The following CENPU variants were observed in gnomAD, a reference collection of about 807,000 sequenced individuals.
The protein encoded by CENPU is KSHV latent nuclear antigen interacting protein 1.
A neutral mutation model predicts 56.7 loss-of-function variants in CENPU; 46 were observed. The observed-to-expected ratio is 0.81, with a 90% CI of 0.64 to 1.04. The LOEUF is 1.04. Among genes scored for constraint, CENPU ranks in the 50% least tolerant of loss-of-function variants. The probability of loss-of-function intolerance (pLI) is 0.00; values close to 1 mark genes in which losing one functional copy is unlikely to be tolerated. For synonymous variants in CENPU, 166 were observed against 163.0 expected, an observed-to-expected ratio of 1.02 and a Z score of -0.14; for missense variants, 510 against 490.1, an observed-to-expected ratio of 1.04 and a Z score of -0.38.
rs766681394 is a variant in CENPU, at chr4:184,712,997, C to T, written c.635G>A (p.Gly212Glu). ...CTTCCTTTTGTCATGAGATATCTTC[C>T]CTTTTTTCTGAGTTTTCTACAAAAA... The part of the protein sequence containing the change: ...IESQSKTQKK[G>E]KISHDKRKKS... Residue 212 changes from glycine (G) to glutamate (E), a missense_variant, in exon 7 of 13, where the codon GGG becomes GAG. By Grantham distance (98) the Gly-to-Glu change is moderately conservative. Coordinates refer to ENST00000281453, the MANE Select transcript of CENPU (RefSeq NM_024629.4). The T allele has an allele frequency of 8.8e-6, 14 of 1,584,810 alleles. No individual in the cohort carries two copies. In the Admixed American group the frequency reaches 1.2e-4, roughly 14 times the overall value.
At chr4:184,712,630 T>TA (rs1760962503) in intron 7 of CENPU, among the ~76,000 whole-genome samples, 1 of 152,228 alleles carries the variant, frequency 6.6e-6, no homozygotes, top group Non-Finnish European at 1.5e-5. Flanking sequence ...TAAAATGCCT[T>TA]AAAAACTGGA....
At chr4:184,717,063 G>T in intron 5 of CENPU, 73 bp downstream of exon 5, 1 of 958,024 alleles carries the variant, frequency 1.0e-6, no homozygotes, top group Non-Finnish European at 1.6e-6. Flanking sequence ...ATATTTTACA[G>T]AACATTTTCT....
At chr4:184,730,658 C>T (rs180888439) in intron 2 of CENPU, among the ~76,000 whole-genome samples, 6 of 151,942 alleles carry the variant, frequency 3.9e-5, no homozygotes, top group African/African-American at 1.2e-4. Context: ...AAAAAGCTTA[C>T]AGCACTGTAC....
Position 184,725,014 on chromosome 4 carries a change from G to A in CENPU, c.263C>T (p.Ser88Phe), listed in dbSNP as rs561625231. 63 of 1,613,178 alleles carry A rather than the reference G, an allele frequency of 3.9e-5. 1 individual carries two copies. The South Asian group carries it at 6.5e-4, about 17-fold the overall frequency. ...AGAGAGAGACAGTCCACAATGTTTGGAGAATTCTTCTTCATCAGCATATAT... is the reference window on the plus strand; with the variant it reads ...AGAGAGAGACAGTCCACAATGTTTGAAGAATTCTTCTTCATCAGCATATAT... ...TAIYADEEEF[S>F]KHCGLSLSST... The change falls in exon 4 of 13, where the codon TCC becomes TTC. Residue 88 changes from serine (S) to phenylalanine (F), a missense_variant. Physicochemically the swap from Ser to Phe is radical, Grantham distance 155. Transcript: ENST00000281453.
Position 184,699,668 on chromosome 4 carries a change from C to CTTT in CENPU, c.986+1149_986+1151dup, listed in dbSNP as rs1554010092. On this transcript the variant is annotated intron_variant, in intron 11 of 12. Coordinates refer to ENST00000281453, the MANE Select transcript of CENPU (RefSeq NM_024629.4). ...CACTTAAACTCCTGTGGCAGTCTCT[C>CTTT]TTTTTTTTTTGAGACACAGTTTCAC... 349 of 1,084,690 alleles carry CTTT rather than the reference C, an allele frequency of 3.2e-4. No homozygotes were observed. In the African/African-American group the frequency reaches 4.9e-3, roughly 15 times the overall value. 67.2% of individuals were successfully genotyped at this position (1,084,690 alleles called of 1,614,324 possible).
At chr4:184,707,756 A>AT (rs1278762889) in intron 8 of CENPU, among the ~76,000 whole-genome samples, 1 of 152,248 alleles carries the variant, frequency 6.6e-6, no homozygotes, top group Non-Finnish European at 1.5e-5. Context: ...AGAGGCTGGA[A>AT]TAACAGGATG....
chr4:184,694,938 T>C lies in CENPU; in HGVS notation c.*350A>G, dbSNP rs115257498. ...TCTGTAAACCAATTTCATTAAAAAT[T>C]AGCTTTGGTGTAAATTCAGGAGAAA... On this transcript the variant is annotated 3_prime_UTR_variant, in exon 13 of 13. Transcript: ENST00000281453. 1,707 of 617,506 alleles carry C rather than the reference T, an allele frequency of 2.8e-3. 23 individuals carry two copies. The African/African-American group carries it at 0.029, about 10-fold the overall frequency. The allele number at this position is 617,506 out of a possible 1,614,324, so 38.3% of individuals were successfully genotyped here. A position where few individuals can be genotyped will look rare whatever the true frequency, so the allele number is the denominator to read the frequency against.
At position 184,694,178 on chromosome 4, in the gene CENPU, G is replaced by T; in HGVS notation, c.*1110C>A. 9.8e-7 allele frequency: 1 copy of T among 1,024,696 alleles called. No homozygotes were observed. Among genetic ancestry groups the T allele is most frequent in the Non-Finnish European group, 1.2e-6 (1 of 851,810 alleles). The allele number at this position is 1,024,696 out of a possible 1,614,324, so 63.5% of individuals were successfully genotyped here. On this transcript the variant is annotated 3_prime_UTR_variant, in exon 13 of 13. Transcript: ENST00000281453. ...GCATGGGTACTAAGTCCATTGTCAA[G>T]ATAGCAAATTTATCTTCTGATTTGT...
At chr4:184,706,580 C>T (rs1398555614) in intron 8 of CENPU, among the ~76,000 whole-genome samples, 1 of 152,220 alleles carries the variant, frequency 6.6e-6, no homozygotes, top group African/African-American at 2.4e-5. Flanking sequence ...TATACATAAA[C>T]TGCTTATCAT....
At chr4:184,712,399 A>G (rs974730550) in intron 7 of CENPU, among the ~76,000 whole-genome samples, 1 of 152,224 alleles carries the variant, frequency 6.6e-6, no homozygotes, top group South Asian at 2.1e-4. Flanking sequence ...AGCATCCCTG[A>G]AGCCACTGCC....
intron 4 of CENPU, among the ~76,000 whole-genome samples, chr4:184,718,364 T>A (rs990772899): frequency 1.3e-5 from 2 of 152,238 alleles, no homozygotes; most frequent in South Asian, 2.1e-4. Flanking sequence ...AACTTTACCC[T>A]TCACAGGTAA....
Position 184,716,387 on chromosome 4 carries a change from ACGT to A in CENPU, c.618+7_618+9del, listed in dbSNP as rs774318856. On this transcript the variant is annotated splice_region_variant and intron_variant, in intron 6 of 12. Transcript: ENST00000281453. Reference sequence around the variant, plus strand: ...TTTTTGCCCTCCTAGGGGATGGCAGACGTTCTTACCGATTGACTTTCTATTGCC... The same window carrying A: ...TTTTTGCCCTCCTAGGGGATGGCAGATCTTACCGATTGACTTTCTATTGCC... 1 of 1,602,660 alleles carries A rather than the reference ACGT, an allele frequency of 6.2e-7. No individual in the cohort carries two copies. Among genetic ancestry groups the A allele is most frequent in the South Asian group, 1.1e-5 (1 of 89,946 alleles).
chr4:184,729,087 G>T, intron 2 of CENPU, 52 bp from the exon 3 acceptor site: 1 of 1,331,434 alleles, frequency 7.5e-7, no homozygotes, highest in South Asian at 1.2e-5. Context: ...AAGAACAATA[G>T]GTTGATTTAT....
At chr4:184,733,361 G>T (rs1012307489) in intron 1 of CENPU, 2 of 987,778 alleles carry the variant, frequency 2.0e-6, no homozygotes, top group Non-Finnish European at 2.4e-6. Context: ...TCGTCTTGGC[G>T]TATGGCTTTG....
chr4:184,724,418 C>T (rs28451943), intron 4 of CENPU, among the ~76,000 whole-genome samples: 27,132 of 152,110 alleles, frequency 0.18, 2,725 homozygotes, highest in African/African-American at 0.26. Context: ...CTACAGTTAT[C>T]GAAGAGTTCT....
At chr4:184,723,176 A>G (rs1761335518) in intron 4 of CENPU, among the ~76,000 whole-genome samples, 1 of 152,212 alleles carries the variant, frequency 6.6e-6, no homozygotes, top group Non-Finnish European at 1.5e-5. Flanking sequence ...TAGAAGAATG[A>G]GAAAGCTCCA....
intron 3 of CENPU, among the ~76,000 whole-genome samples, chr4:184,726,146 C>A (rs28555435): frequency 0.18 from 27,139 of 152,114 alleles, 2,728 homozygotes; most frequent in African/African-American, 0.26. Context: ...TATTGCCCTC[C>A]ACGAGGCAAA....
intron 12 of CENPU, among the ~76,000 whole-genome samples, chr4:184,697,150 A>G (rs957753636): frequency 6.6e-6 from 1 of 152,200 alleles, no homozygotes; most frequent in Admixed American, 6.5e-5. Context: ...CCGAAGTGCT[A>G]TGATTACAGG....
rs1033252517 is a variant in CENPU at position 184,694,335 on chromosome 4, T to C, written c.*953A>G. 28 of 1,378,082 alleles carry C rather than the reference T, an allele frequency of 2.0e-5. No homozygotes were observed. In the African/African-American group the frequency reaches 3.5e-4, roughly 17 times the overall value. The allele number at this position is 1,378,082 out of a possible 1,614,324, so 85.4% of individuals were successfully genotyped here. The stretch of plus-strand genomic sequence containing the variant: ...AGTTTCAAGTGTGTCTGAGCTTCAG[T>C]GCAGCAACGTTTGAATCAGTGCACT... On this transcript the variant is annotated 3_prime_UTR_variant, in exon 13 of 13. Transcript: ENST00000281453.
Sources: gnomAD v4.1 joint callset for allele counts (sites outside exome capture counted in the v4.1 genomes callset) on GRCh38, gnomAD v4.1.1 for gene constraint, MANE v1.5 for transcripts, NCBI Gene and HGNC (gene_info 2026-07-23, HGNC 2026-07-21) for gene names.